Variants in INPP4B observed in about 807,000 individuals in gnomAD.
INPP4B encodes inositol polyphosphate 4-phosphatase type II.
INPP4B carries 55 observed loss-of-function variants against 122.5 expected under a neutral mutation model. That is an observed-to-expected ratio of 0.45 (90% CI 0.36 to 0.56). INPP4B has a LOEUF of 0.56. Ranked by LOEUF, INPP4B falls within the 20% of genes least tolerant of loss-of-function variation. The probability of loss-of-function intolerance (pLI) is 0.00; values close to 1 mark genes in which losing one functional copy is unlikely to be tolerated. For missense variants in INPP4B, 1,000 were observed against 1,097.7 expected (o/e 0.91, Z 1.26); for synonymous variants, 403 against 388.7 (o/e 1.04, Z -0.43).
intron 1 of INPP4B, among the ~76,000 whole-genome samples, chr4:142,799,739 G>A: frequency 6.6e-6 from 1 of 151,786 alleles, no homozygotes; most frequent in East Asian, 1.9e-4. Flanking sequence ...TGCATCTAGT[G>A]TATCTGCAAG....
At chr4:142,796,868 ATGTGTGTGTGTGTGTGTGTGTGTG>A (rs34860975) in intron 1 of INPP4B, among the ~76,000 whole-genome samples, 5 of 105,294 alleles carry the variant, frequency 4.7e-5, no homozygotes, top group East Asian at 4.5e-4. Flanking sequence ...CGGAAAACAG[ATGTGTGTGTGTGTGTGTGTGTGTG>A]TGTGTGTGTG....
intron 5 of INPP4B, among the ~76,000 whole-genome samples, chr4:142,412,011 C>T (rs1804705066): frequency 6.6e-6 from 1 of 152,094 alleles, no homozygotes; most frequent in African/African-American, 2.4e-5. Context: ...ACTTTTGCAG[C>T]CTAGGGGGCA....
intron 7 of INPP4B, among the ~76,000 whole-genome samples, chr4:142,354,278 CAGT>C (rs1192517476): frequency 1.3e-5 from 2 of 151,976 alleles, no homozygotes; most frequent in Admixed American, 6.6e-5. Flanking sequence ...CCTAAAAATT[CAGT>C]AGAAGCACAG....
chr4:142,520,660 C>G (rs186613955), intron 2 of INPP4B, among the ~76,000 whole-genome samples: 3 of 151,908 alleles, frequency 2.0e-5, no homozygotes, highest in Admixed American at 2.0e-4. Context: ...TGGACTTACA[C>G]TTAATATAGT....
intron 2 of INPP4B, among the ~76,000 whole-genome samples, chr4:142,690,833 A>G (rs1394460139): frequency 3.3e-5 from 5 of 152,114 alleles, no homozygotes; most frequent in African/African-American, 9.7e-5. Flanking sequence ...TGAGGACCCC[A>G]GCACCTTCCT....
At chr4:142,489,481 C>T (rs970873818) in intron 2 of INPP4B, among the ~76,000 whole-genome samples, 28 of 152,154 alleles carry the variant, frequency 1.8e-4, no homozygotes, top group African/African-American at 5.1e-4. Flanking sequence ...GCAGTCTCTG[C>T]CTCCTGGGTT....
At chr4:142,147,923 A>G (rs1371220004) in intron 17 of INPP4B, among the ~76,000 whole-genome samples, 1 of 152,166 alleles carries the variant, frequency 6.6e-6, no homozygotes, top group Non-Finnish European at 1.5e-5. Context: ...CATTTATTCC[A>G]GGAAGAAATG....
rs1737587943 is a variant in INPP4B at position 142,028,062 on chromosome 4, T to C, written c.*720A>G. On this transcript the variant is annotated 3_prime_UTR_variant, in exon 26 of 26. Coordinates refer to ENST00000262992, the MANE Select transcript of INPP4B (RefSeq NM_001101669.3). ...TTAGATCATTGCAGTGTTTTGCTTA[T>C]CATTCTATTAAACGTTCTATATTGC... 1 of 222,202 alleles carries C rather than the reference T, an allele frequency of 4.5e-6. No individual in the cohort carries two copies. Among genetic ancestry groups the C allele is most frequent in the Non-Finnish European group, 9.0e-6 (1 of 111,096 alleles). The allele number at this position is 222,202 out of a possible 1,614,324, so 13.8% of individuals were successfully genotyped here.
chr4:142,698,780 C>T (rs1383764962), intron 2 of INPP4B, among the ~76,000 whole-genome samples: 2 of 152,170 alleles, frequency 1.3e-5, no homozygotes, highest in East Asian at 3.8e-4. Flanking sequence ...TGGCCATGCT[C>T]TTATGCATAT....
At chr4:142,332,116 A>G (rs1396719579) in intron 7 of INPP4B, among the ~76,000 whole-genome samples, 1 of 152,196 alleles carries the variant, frequency 6.6e-6, no homozygotes, top group Non-Finnish European at 1.5e-5. Context: ...AAGAAAAGCT[A>G]ATTTTTAGTA....
chr4:142,616,104 A>C (rs1473074719), intron 2 of INPP4B, among the ~76,000 whole-genome samples: 2 of 152,060 alleles, frequency 1.3e-5, no homozygotes. Flanking sequence ...GAGGGGCAGA[A>C]CTACATAAAA....
intron 1 of INPP4B, among the ~76,000 whole-genome samples, chr4:142,838,127 ATTG>A (rs1328435159): frequency 6.6e-6 from 1 of 151,978 alleles, no homozygotes; most frequent in Admixed American, 6.6e-5. Flanking sequence ...ATTCAATTGA[ATTG>A]AACTATAGAA....
intron 2 of INPP4B, among the ~76,000 whole-genome samples, chr4:142,565,039 T>C (rs889487462): frequency 5.9e-5 from 9 of 152,182 alleles, no homozygotes; most frequent in African/African-American, 1.9e-4. Flanking sequence ...CATGTTTCCT[T>C]AGCGTTCTTT....
intron 11 of INPP4B, among the ~76,000 whole-genome samples, chr4:142,247,413 A>G (rs927317683): frequency 1.3e-5 from 2 of 152,084 alleles, no homozygotes; most frequent in Non-Finnish European, 2.9e-5. Flanking sequence ...GCTATGAATC[A>G]GACTGATCCT....
intron 2 of INPP4B, among the ~76,000 whole-genome samples, chr4:142,665,410 C>A (rs957854388): frequency 2.7e-5 from 4 of 146,964 alleles, no homozygotes; most frequent in Non-Finnish European, 4.5e-5. Flanking sequence ...AGGAGAATGG[C>A]GTGAACCTGG....
At chr4:142,311,416 G>A (rs900660917) in intron 8 of INPP4B, among the ~76,000 whole-genome samples, 1 of 152,108 alleles carries the variant, frequency 6.6e-6, no homozygotes, top group African/African-American at 2.4e-5. Flanking sequence ...TATTATTACA[G>A]TAATTTCTAG....
chr4:142,541,416 C>T (rs373878396), intron 2 of INPP4B, among the ~76,000 whole-genome samples: 1 of 152,148 alleles, frequency 6.6e-6, no homozygotes, highest in Non-Finnish European at 1.5e-5. Flanking sequence ...TTCACTAAAT[C>T]CCTTTGTACA....
At chr4:142,290,425 C>T (rs1755934995) in intron 9 of INPP4B, among the ~76,000 whole-genome samples, 2 of 151,868 alleles carry the variant, frequency 1.3e-5, no homozygotes, top group Non-Finnish European at 2.9e-5. Context: ...TCAGGCTGGT[C>T]GTGAACTCCT....
intron 9 of INPP4B, among the ~76,000 whole-genome samples, chr4:142,294,787 G>C (rs931364816): frequency 3.1e-5 from 4 of 129,692 alleles, no homozygotes; most frequent in African/African-American, 1.1e-4. Flanking sequence ...TTGAGATCGT[G>C]CCACTGCACT....
Sources: gnomAD v4.1 joint callset for allele counts (sites outside exome capture counted in the v4.1 genomes callset) on GRCh38, gnomAD v4.1.1 for gene constraint, MANE v1.5 for transcripts, NCBI Gene and HGNC (gene_info 2026-07-23, HGNC 2026-07-21) for gene names.